Variants in B3GALT1 observed in about 807,000 individuals in gnomAD.
B3GALT1 encodes beta-1,3-galactosyltransferase 1, also known as UDP-Gal:betaGlcNAc beta 1,3-galactosyltransferase, polypeptide 1.
A neutral mutation model predicts 23.2 loss-of-function variants in B3GALT1; 10 were observed. The ratio of observed to expected loss-of-function variants is 0.43; its 90% confidence interval spans 0.27 to 0.73. B3GALT1 has a LOEUF of 0.73. Ranked by LOEUF, B3GALT1 falls within the 30% of genes least tolerant of loss-of-function variation. B3GALT1 has a pLI of 0.21. For missense variants in B3GALT1, 299 were observed against 405.4 expected, an observed-to-expected ratio of 0.74 and a Z score of 2.25; for synonymous variants, 156 against 141.5, an observed-to-expected ratio of 1.10 and a Z score of -0.73.
intron 1 of B3GALT1, among the ~76,000 whole-genome samples, chr2:167,367,144 A>G (rs534168729): frequency 3.3e-5 from 5 of 152,298 alleles, no homozygotes; most frequent in South Asian, 4.1e-4. Flanking sequence ...ACAGAGACGT[A>G]TACATTTTTT....
chr2:167,415,920 A>G (rs911402696), intron 1 of B3GALT1, among the ~76,000 whole-genome samples: 1 of 152,224 alleles, frequency 6.6e-6, no homozygotes, highest in Admixed American at 6.5e-5. Context: ...AGGCTGCTGC[A>G]TGACTACTTT....
chr2:167,555,780 G>A (rs1054942532), intron 2 of B3GALT1, among the ~76,000 whole-genome samples: 1 of 152,092 alleles, frequency 6.6e-6, no homozygotes, highest in South Asian at 2.1e-4. Flanking sequence ...TTACCATATG[G>A]CGTGTTAATA....
At chr2:167,774,149 T>A (rs566668592) in intron 3 of B3GALT1, among the ~76,000 whole-genome samples, 1 of 152,352 alleles carries the variant, frequency 6.6e-6, no homozygotes, top group East Asian at 1.9e-4. Context: ...ACCAAAAAAG[T>A]AATTTCTATT....
chr2:167,836,626 T>C (rs1689480840), intron 4 of B3GALT1, among the ~76,000 whole-genome samples: 1 of 152,024 alleles, frequency 6.6e-6, no homozygotes, highest in Non-Finnish European at 1.5e-5. Context: ...CAGGAGAACT[T>C]CCCCAATCTA....
intron 1 of B3GALT1, among the ~76,000 whole-genome samples, chr2:167,416,414 G>GAA (rs1256443810): frequency 6.6e-6 from 1 of 152,246 alleles, no homozygotes; most frequent in African/African-American, 2.4e-5. Flanking sequence ...CAGAAAGAAA[G>GAA]AGTTGTGAAG....
At chr2:167,500,740 C>T (rs1259772024) in intron 2 of B3GALT1, among the ~76,000 whole-genome samples, 1 of 152,070 alleles carries the variant, frequency 6.6e-6, no homozygotes, top group Non-Finnish European at 1.5e-5. Flanking sequence ...TATTACTAAT[C>T]ATCTTTTGGC....
chr2:167,852,785 A>G (rs774275841), intron 4 of B3GALT1, among the ~76,000 whole-genome samples: 1 of 152,168 alleles, frequency 6.6e-6, no homozygotes, highest in Non-Finnish European at 1.5e-5. Context: ...ATGATATCTC[A>G]GCAAAGGACT....
At chr2:167,583,305 G>A (rs933273230) in intron 2 of B3GALT1, among the ~76,000 whole-genome samples, 3 of 151,832 alleles carry the variant, frequency 2.0e-5, no homozygotes, top group African/African-American at 7.3e-5. Flanking sequence ...TCATGATGTA[G>A]CTGCAAAAAA....
chr2:167,478,557 G>C (rs907810248), intron 1 of B3GALT1, among the ~76,000 whole-genome samples: 7 of 100,502 alleles, frequency 7.0e-5, no homozygotes, highest in African/African-American at 2.2e-4. Flanking sequence ...TTTTTTTTTA[G>C]GGTTATTATA....
intron 2 of B3GALT1, among the ~76,000 whole-genome samples, chr2:167,516,922 C>T (rs1252229953): frequency 1.4e-5 from 2 of 148,040 alleles, no homozygotes; most frequent in African/African-American, 5.1e-5. Flanking sequence ...GTTGCCTGCT[C>T]ATATGACATA....
chr2:167,419,454 A>C (rs1698516493), intron 1 of B3GALT1, among the ~76,000 whole-genome samples: 1 of 152,226 alleles, frequency 6.6e-6, no homozygotes, highest in South Asian at 2.1e-4. Flanking sequence ...ACTATGAAAA[A>C]TACAGAAAAT....
At chr2:167,594,684 G>A (rs1404077189) in intron 2 of B3GALT1, among the ~76,000 whole-genome samples, 4 of 152,074 alleles carry the variant, frequency 2.6e-5, no homozygotes, top group African/African-American at 4.8e-5. Flanking sequence ...AGGACGAGGC[G>A]GGCAGATCAC....
chr2:167,422,523 A>AT (rs1276603657), intron 1 of B3GALT1, among the ~76,000 whole-genome samples: 1 of 152,206 alleles, frequency 6.6e-6, no homozygotes, highest in African/African-American at 2.4e-5. Context: ...GCTGATTGTA[A>AT]TGCTGTGGCC....
chr2:167,803,081 A>ACACACAC (rs1553489029), intron 3 of B3GALT1, among the ~76,000 whole-genome samples: 3 of 141,376 alleles, frequency 2.1e-5, no homozygotes, highest in African/African-American at 8.1e-5. Flanking sequence ...GACCCTAACA[A>ACACACAC]ACACACACAC....
rs540396664 is a variant in B3GALT1, at chr2:167,759,036, G to A, written c.-351-59636G>A. Among the ~76,000 whole-genome samples, 33 of 152,322 alleles carry A rather than the reference G, an allele frequency of 2.2e-4. 2 individuals are homozygous for A. In the South Asian group the frequency reaches 6.8e-3, roughly 32 times the overall value. On this transcript the variant is annotated intron_variant, in intron 3 of 4. Coordinates refer to ENST00000392690, the MANE Select transcript of B3GALT1 (RefSeq NM_020981.4). ...AACTGGTGTTGGGGGCTGGCCCTTTGCTTTAGGCATGGCAAATAATCGACC... is the reference window on the plus strand; with the variant it reads ...AACTGGTGTTGGGGGCTGGCCCTTTACTTTAGGCATGGCAAATAATCGACC...
At chr2:167,679,132 T>C (rs1686482977) in intron 3 of B3GALT1, among the ~76,000 whole-genome samples, 1 of 151,880 alleles carries the variant, frequency 6.6e-6, no homozygotes. Flanking sequence ...GTTTTTTTTT[T>C]TGAGACAGAG....
chr2:167,434,544 A>G (rs1458138871), intron 1 of B3GALT1, among the ~76,000 whole-genome samples: 1 of 148,638 alleles, frequency 6.7e-6, no homozygotes, highest in Non-Finnish European at 1.5e-5. Flanking sequence ...AAAAAAACCC[A>G]CATAACTACA....
intron 4 of B3GALT1, among the ~76,000 whole-genome samples, chr2:167,866,280 T>C (rs115715357): frequency 0.01 from 1,565 of 152,298 alleles, 40 homozygotes; most frequent in African/African-American, 0.036. Context: ...CTGCAGGACT[T>C]AACCTTGTTC....
chr2:167,521,987 T>TATATATATATATATATATATACAC lies in B3GALT1; in HGVS notation c.-410+31729_-410+31730insTACACATATATATATATATATATA, dbSNP rs1323364702. Among the ~76,000 whole-genome samples the TATATATATATATATATATATACAC allele has an allele frequency of 2.0e-3, 233 of 114,078 alleles. 1 individual carries two copies. Among genetic ancestry groups the TATATATATATATATATATATACAC allele is most frequent in the South Asian group, 7.0e-3 (26 of 3,688 alleles). The allele number at this position is 114,078 out of a possible 152,430, so 74.8% of individuals were successfully genotyped here. A position where few individuals can be genotyped will look rare whatever the true frequency, so the allele number is the denominator to read the frequency against. On this transcript the variant is annotated intron_variant, in intron 2 of 4. Transcript: ENST00000392690. ...ACATATATGTGTGTGTGTGTGTGTA[T>TATATATATATATATATATATACAC]ATATATATATATATATATACACATA... is the stretch of plus-strand genomic sequence containing the variant.
Sources: allele counts gnomAD v4.1 joint callset (sites outside exome capture counted in the v4.1 genomes callset), GRCh38; gene constraint gnomAD v4.1.1; transcripts MANE v1.5; gene names NCBI Gene and HGNC (gene_info 2026-07-23, HGNC 2026-07-21).